XNDC1N: variants seen among roughly 807,000 people sequenced by gnomAD.
XNDC1N encodes XRCC1 N-terminal domain containing 1, N-terminal like.
chr11:71,900,253 C>A, the XNDC1N span, among the ~76,000 whole-genome samples: 1 of 152,210 alleles, frequency 6.6e-6, no homozygotes, highest in Non-Finnish European at 1.5e-5. Context: ...CCTTGGTATG[C>A]TGAGCGCCGG....
the XNDC1N span, chr11:71,916,839 T>A: frequency 6.4e-6 from 1 of 156,970 alleles, no homozygotes; most frequent in Non-Finnish European, 1.4e-5. Context: ...TGTACATCCC[T>A]AGAGGCTAGG....
the XNDC1N span, among the ~76,000 whole-genome samples, chr11:71,879,586 T>C: frequency 6.6e-6 from 1 of 152,146 alleles, no homozygotes; most frequent in Non-Finnish European, 1.5e-5. Context: ...CTTTCCCCCA[T>C]GAATGTTAGT....
At chr11:71,903,499 T>C in the XNDC1N span, 1 of 740,574 alleles carries the variant, frequency 1.4e-6, no homozygotes, top group Non-Finnish European at 2.4e-6. Context: ...ATGTCTCTCT[T>C]TGCCATTTTT....
At chr11:71,885,289 G>T in the XNDC1N span, among the ~76,000 whole-genome samples, 2 of 152,134 alleles carry the variant, frequency 1.3e-5, no homozygotes, top group Non-Finnish European at 2.9e-5. Context: ...GATATTGAAA[G>T]TAATATCACA....
At chr11:71,872,490 G>A in the XNDC1N span, among the ~76,000 whole-genome samples, 4 of 152,120 alleles carry the variant, frequency 2.6e-5, no homozygotes, top group African/African-American at 9.7e-5. Context: ...TTGGGAGGCC[G>A]AGGCGGGTGG....
the XNDC1N span, among the ~76,000 whole-genome samples, chr11:71,892,939 G>A: frequency 6.6e-6 from 1 of 151,006 alleles, no homozygotes; most frequent in African/African-American, 2.5e-5. Context: ...AAAGTAATTG[G>A]CATGGGAAAA....
At chr11:71,887,277 C>G in the XNDC1N span, among the ~76,000 whole-genome samples, 38 of 152,314 alleles carry the variant, frequency 2.5e-4, no homozygotes, top group African/African-American at 7.7e-4. Flanking sequence ...GCTTGCCTTG[C>G]ACTTGTACTG....
the XNDC1N span, among the ~76,000 whole-genome samples, chr11:71,891,386 G>GACT: frequency 6.6e-6 from 1 of 151,166 alleles, no homozygotes; most frequent in Non-Finnish European, 1.5e-5. Flanking sequence ...TTGGGAGTAA[G>GACT]ATCATCCTCT....
the XNDC1N span, among the ~76,000 whole-genome samples, chr11:71,907,874 G>A: frequency 0.025 from 3,854 of 152,166 alleles, 44 homozygotes; most frequent in East Asian, 0.073. Context: ...CTCACACGGG[G>A]GTGTACACTT....
At chr11:71,888,001 C>A in the XNDC1N span, among the ~76,000 whole-genome samples, 3 of 152,290 alleles carry the variant, frequency 2.0e-5, no homozygotes, top group East Asian at 5.8e-4. Context: ...TCAAGAACTC[C>A]CCCACCATCT....
chr11:71,908,540 C>T, the XNDC1N span, among the ~76,000 whole-genome samples: 3 of 152,176 alleles, frequency 2.0e-5, no homozygotes, highest in South Asian at 4.2e-4. Context: ...ACACAAATGC[C>T]CCTGAGAGAG....
At chr11:71,910,613 G>A in the XNDC1N span, among the ~76,000 whole-genome samples, 1 of 152,190 alleles carries the variant, frequency 6.6e-6, no homozygotes, top group Non-Finnish European at 1.5e-5. Flanking sequence ...ACCGGCACCT[G>A]GAGGACTGTG....
chr11:71,880,681 T>G, the XNDC1N span, among the ~76,000 whole-genome samples: 1 of 152,196 alleles, frequency 6.6e-6, no homozygotes, highest in African/African-American at 2.4e-5. Flanking sequence ...CTGTCTTTGT[T>G]GTATTCCATA....
chr11:71,867,532 G>C, the XNDC1N span, among the ~76,000 whole-genome samples: 1 of 152,176 alleles, frequency 6.6e-6, no homozygotes, highest in African/African-American at 2.4e-5. Flanking sequence ...TCCAGATGCA[G>C]CCTCAAAAGT....
chr11:71,878,858 G>T, the XNDC1N span, among the ~76,000 whole-genome samples: 44 of 149,146 alleles, frequency 3.0e-4, no homozygotes, highest in Non-Finnish European at 6.2e-4. Context: ...AAATTAGTCA[G>T]GTATAGTGGC....
chr11:71,895,475 A>ATTTTTTTTTTTTTTT, the XNDC1N span, among the ~76,000 whole-genome samples: 4 of 98,354 alleles, frequency 4.1e-5, no homozygotes, highest in South Asian at 3.7e-4. Flanking sequence ...ATGCCTGGCT[A>ATTTTTTTTTTTTTTT]TTTTTTTTTT....
the XNDC1N span, among the ~76,000 whole-genome samples, chr11:71,910,733 G>C: frequency 6.6e-6 from 1 of 152,196 alleles, no homozygotes; most frequent in African/African-American, 2.4e-5. Context: ...AACGAAAGCA[G>C]GTCATTTGCC....
chr11:71,878,871 G>T, the XNDC1N span, among the ~76,000 whole-genome samples: 2 of 152,040 alleles, frequency 1.3e-5, no homozygotes, highest in Non-Finnish European at 2.9e-5. Context: ...ATAGTGGCGC[G>T]TGCCTGTGGT....
the XNDC1N span, among the ~76,000 whole-genome samples, chr11:71,881,296 C>A: frequency 9.9e-5 from 15 of 152,102 alleles, no homozygotes; most frequent in African/African-American, 3.4e-4. Context: ...TGTTTTTTCA[C>A]TTAAAGTCAA....
Sources: allele counts gnomAD v4.1 joint callset (sites outside exome capture counted in the v4.1 genomes callset), GRCh38; gene constraint gnomAD v4.1.1; transcripts MANE v1.5; gene names NCBI Gene and HGNC (gene_info 2026-07-23, HGNC 2026-07-21).